The following AQP9 variants were observed in gnomAD, a reference collection of about 807,000 sequenced individuals.
AQP9 encodes aquaporin 9.
Under a neutral mutation model 23.8 loss-of-function variants are expected in AQP9, and 19 were observed. The ratio of observed to expected loss-of-function variants is 0.80; its 90% CI spans 0.56 to 1.17. The LOEUF is 1.17. Among genes scored for constraint, AQP9 ranks in the 50% most tolerant of loss-of-function variants. The pLI is 0.00. For synonymous variants in AQP9, 153 were observed against 131.5 expected (o/e 1.16, Z -1.12); for missense variants, 413 against 362.0 (o/e 1.14, Z -1.14).
intron 1 of AQP9, chr15:58,151,525 C>T (rs967587123): frequency 6.6e-6 from 1 of 152,078 alleles, no homozygotes; most frequent in African/African-American, 2.4e-5. Flanking sequence ...ATCTTAACAA[C>T]CTATTACCTC....
intron 5 of AQP9, among the ~76,000 whole-genome samples, chr15:58,180,870 G>A (rs1413148953): frequency 6.6e-6 from 1 of 152,210 alleles, no homozygotes; most frequent in East Asian, 1.9e-4. Flanking sequence ...CTCCTAGAAT[G>A]ATCACAACTA....
rs1898655922 is a variant in AQP9 at position 58,173,006 on chromosome 15, A to G, written c.239-62A>G. ...ACTGAATTCCACCTGAGGTCTCTAG[A>G]TGGTTTTCTGTATATTCTTCTTCCT... is the stretch of plus-strand genomic sequence containing the variant. On this transcript the variant is annotated intron_variant, in intron 2 of 5. Transcript: ENST00000219919. The G allele has an allele frequency of 7.5e-6, 12 of 1,600,236 alleles. No homozygotes were observed. The South Asian group carries it at 9.9e-5, about 13-fold the overall frequency.
rs74018958 is a variant in AQP9, at chr15:58,147,969, A to G, written c.111+9293A>G. On this transcript the variant is annotated intron_variant, in intron 1 of 5. Transcript: ENST00000219919. ...TTTGACAACATACCAGGAAGTATTG[A>G]TATTAGTTACCTGTGGAGAATAATA... 9.3e-3 allele frequency among the ~76,000 whole-genome samples: 1,419 copies of G among 152,222 alleles called. 29 individuals are homozygous for G. The highest frequency in any genetic ancestry group is 0.033 in the African/African-American group (1,352 of 41,526).
chr15:58,171,281 G>A (rs943588473), intron 2 of AQP9, among the ~76,000 whole-genome samples: 11 of 152,008 alleles, frequency 7.2e-5, no homozygotes, highest in East Asian at 1.9e-4. Flanking sequence ...TAGAGACGGC[G>A]TTTCACCATG....
chr15:58,152,895 C>G (rs1375661278), intron 1 of AQP9: 1 of 152,176 alleles, frequency 6.6e-6, no homozygotes, highest in East Asian at 1.9e-4. Flanking sequence ...GTTACCTGAT[C>G]TATTGTAGAG....
chr15:58,177,482 G>C (rs753013621), intron 4 of AQP9, among the ~76,000 whole-genome samples: 1 of 152,174 alleles, frequency 6.6e-6, no homozygotes, highest in Non-Finnish European at 1.5e-5. Context: ...GCTCTTGGGG[G>C]AACATGTGTC....
At position 58,177,260 on chromosome 15, in the gene AQP9, A is replaced by C. The variant is rs114534933; in HGVS notation, c.496-1868A>C. On this transcript the variant is annotated intron_variant, in intron 4 of 5. Coordinates refer to ENST00000219919, the MANE Select transcript of AQP9 (RefSeq NM_020980.5). ...TCAATCATTTATTTACCCAATAACT[A>C]TTTACTGGGCACCTACTTAGCCAAG... Among the ~76,000 whole-genome samples the C allele has an allele frequency of 3.2e-3, 489 of 152,314 alleles. 2 individuals carry two copies. Among genetic ancestry groups the C allele is most frequent in the African/African-American group, 0.011 (477 of 41,568 alleles).
intron 3 of AQP9, among the ~76,000 whole-genome samples, chr15:58,173,501 C>G (rs982796102): frequency 5.3e-5 from 8 of 152,138 alleles, no homozygotes; most frequent in Admixed American, 2.0e-4. Context: ...AGTGGCTTCC[C>G]CACTGCTGTC....
chr15:58,184,109 A>G lies in AQP9; in HGVS notation c.862A>G (p.Lys288Glu), dbSNP rs1898957137. Residue 288 changes from lysine (K) to glutamate (E), a missense_variant, in exon 6 of 6, where the codon AAA (lysine) becomes GAA (glutamate). Physicochemically the swap from Lys to Glu is moderately conservative, Grantham distance 56. Coordinates refer to ENST00000219919, the MANE Select transcript of AQP9 (RefSeq NM_020980.5). ...KTEQSEDKPEKYELSVIM is the reference protein window; with the variant it reads ...KTEQSEDKPEEYELSVIM The stretch of plus-strand genomic sequence containing the variant: ...AGAACAATCTGAGGACAAACCAGAG[A>G]AATATGAACTCAGTGTCATCATGTA... 6.2e-7 allele frequency: 1 copy of G among 1,614,088 alleles called. No individual in the cohort carries two copies. Among genetic ancestry groups the G allele is most frequent in the Non-Finnish European group, 8.5e-7 (1 of 1,179,960 alleles).
intron 1 of AQP9, among the ~76,000 whole-genome samples, chr15:58,164,469 A>G (rs1898455152): frequency 6.6e-6 from 1 of 152,212 alleles, no homozygotes; most frequent in South Asian, 2.1e-4. Context: ...AATTGGATTT[A>G]CATTAAAATG....
chr15:58,149,033 A>C (rs1898100377), intron 1 of AQP9, among the ~76,000 whole-genome samples: 1 of 152,128 alleles, frequency 6.6e-6, no homozygotes, highest in Non-Finnish European at 1.5e-5. Flanking sequence ...TCCAGGTTTC[A>C]GTCTTGGTTC....
intron 4 of AQP9, among the ~76,000 whole-genome samples, 163 bp from the exon 5 acceptor site, chr15:58,178,965 G>A (rs921024166): frequency 6.6e-6 from 1 of 152,110 alleles, no homozygotes; most frequent in Non-Finnish European, 1.5e-5. Context: ...AGAGAGACTG[G>A]CACAATTATT....
intron 5 of AQP9, among the ~76,000 whole-genome samples, chr15:58,182,885 T>C (rs1312284163): frequency 2.0e-5 from 3 of 152,220 alleles, no homozygotes; most frequent in African/African-American, 7.2e-5. Context: ...GGGTTTGATT[T>C]GCTCAAAGAC....
intron 2 of AQP9, 32 bp from the exon 3 acceptor site, chr15:58,173,036 T>C (rs1436958011): frequency 1.9e-6 from 3 of 1,613,210 alleles, no homozygotes; most frequent in South Asian, 2.2e-5. Context: ...CTTCCTAACC[T>C]GCCCTCTCAC....
chr15:58,173,490 C>T (rs1471901975), intron 3 of AQP9, among the ~76,000 whole-genome samples: 1 of 152,150 alleles, frequency 6.6e-6, no homozygotes, highest in African/African-American at 2.4e-5. Context: ...AGCAGTAGGC[C>T]AGTGGCTTCC....
intron 5 of AQP9, among the ~76,000 whole-genome samples, chr15:58,180,475 G>A (rs757144782): frequency 6.6e-5 from 10 of 152,038 alleles, no homozygotes; most frequent in Non-Finnish European, 1.3e-4. Flanking sequence ...CTTTTCCCCT[G>A]GTATATCCAC....
chr15:58,146,642 T>C (rs1898050121), intron 1 of AQP9: 1 of 152,240 alleles, frequency 6.6e-6, no homozygotes, highest in African/African-American at 2.4e-5. Context: ...TTTATACATC[T>C]GTATTATAAA....
chr15:58,155,706 T>G (rs1246109631), intron 1 of AQP9: 3 of 152,154 alleles, frequency 2.0e-5, no homozygotes, highest in Admixed American at 1.3e-4. Flanking sequence ...TCACCTGATC[T>G]CCTGAGCTAC....
chr15:58,160,886 C>A (rs1049638304), intron 1 of AQP9, among the ~76,000 whole-genome samples: 27 of 152,130 alleles, frequency 1.8e-4, no homozygotes, highest in African/African-American at 5.8e-4. Context: ...CTGAAAGGTG[C>A]AGCATAGCAG....
Sources: gnomAD v4.1 joint callset for allele counts (sites outside exome capture counted in the v4.1 genomes callset) on GRCh38, gnomAD v4.1.1 for gene constraint, MANE v1.5 for transcripts, NCBI Gene and HGNC (gene_info 2026-07-23, HGNC 2026-07-21) for gene names.